Variants in TRERF1 observed in about 807,000 individuals in gnomAD.
TRERF1 encodes the protein transcriptional regulating factor 1, also known as transcriptional-regulating factor 1.
TRERF1 carries 27 observed loss-of-function variants against 122.9 expected under a neutral mutation model. The ratio of observed to expected loss-of-function variants is 0.22; its 90% confidence interval spans 0.16 to 0.30. The LOEUF (loss-of-function observed/expected upper bound fraction) is 0.30. TRERF1 is among the 10% of genes least tolerant of loss of function. TRERF1 has a pLI of 1.00. For missense variants in TRERF1, 1,248 were observed against 1,560.3 expected (o/e 0.80, Z 3.37); for synonymous variants, 636 against 641.7 (o/e 0.99, Z 0.13).
chr6:42,290,985 G>T (rs756713027), intron 4 of TRERF1, among the ~76,000 whole-genome samples: 2 of 151,844 alleles, frequency 1.3e-5, no homozygotes, highest in Non-Finnish European at 2.9e-5. Context: ...TTCGTGAAAG[G>T]GTGTGCATGT....
Position 42,263,183 on chromosome 6 carries a change from T to A in TRERF1, c.1884+137A>T. 1 of 1,440,216 alleles carries A rather than the reference T, an allele frequency of 6.9e-7. No homozygotes were observed. Among genetic ancestry groups the A allele is most frequent in the Non-Finnish European group, 9.1e-7 (1 of 1,097,390 alleles). The allele number at this position is 1,440,216 out of a possible 1,614,324, so 89.2% of individuals were successfully genotyped here. On this transcript the variant is annotated intron_variant, in intron 8 of 17. Transcript: ENST00000372922. The surrounding 1 kb of genome is among the most constrained non-coding windows in gnomAD (Gnocchi z 5.6). ...CCGTATCCAAGCTCAGGTCAGTGACTCTGGAAGGGCCGCCCCATCTCCAAG... is the reference window on the plus strand; with the variant it reads ...CCGTATCCAAGCTCAGGTCAGTGACACTGGAAGGGCCGCCCCATCTCCAAG...
intron 2 of TRERF1, among the ~76,000 whole-genome samples, chr6:42,435,065 A>T (rs1182713756): frequency 6.6e-6 from 1 of 151,928 alleles, no homozygotes; most frequent in Non-Finnish European, 1.5e-5. Context: ...CAGGAGGCAG[A>T]GGTTGCAGTG....
intron 3 of TRERF1, among the ~76,000 whole-genome samples, chr6:42,329,674 A>G (rs1764905702): frequency 6.6e-6 from 1 of 152,094 alleles, no homozygotes; most frequent in Non-Finnish European, 1.5e-5. Context: ...CAGGAAAAAG[A>G]CCGAGACATT....
intron 3 of TRERF1, among the ~76,000 whole-genome samples, chr6:42,343,480 C>T (rs1293788291): frequency 4.6e-5 from 7 of 152,188 alleles, no homozygotes; most frequent in Admixed American, 4.6e-4. Context: ...GAGAACTACA[C>T]AAAAGGTATA....
chr6:42,310,551 GTTC>G (rs1482068839), intron 3 of TRERF1, among the ~76,000 whole-genome samples: 1 of 152,208 alleles, frequency 6.6e-6, no homozygotes, highest in Non-Finnish European at 1.5e-5. Context: ...AGTTGGGGGA[GTTC>G]TTCTAGTATC....
chr6:42,263,661 G>C lies in TRERF1; in HGVS notation c.1636-93C>G, dbSNP rs1260658191. ...TTTCCCGAAAGGTTCCAGGACATCA[G>C]GTATGGGTGATAGAGAACCGCTGCA... is the stretch of plus-strand genomic sequence containing the variant. On this transcript the variant is annotated intron_variant, in intron 7 of 17. Transcript: ENST00000372922. The surrounding 1 kb of genome is among the most constrained non-coding windows in gnomAD (Gnocchi z 5.6). 2 of 1,375,864 alleles carry C rather than the reference G, an allele frequency of 1.5e-6. No individual in the cohort carries two copies. The highest frequency in any genetic ancestry group is 2.8e-5 in the Admixed American group (1 of 35,922). 85.2% of individuals were successfully genotyped at this position (1,375,864 alleles called of 1,614,324 possible).
Position 42,283,871 on chromosome 6 carries a change from C to T in TRERF1, c.-258-14023G>A, listed in dbSNP as rs2150069912. 1.3e-5 allele frequency among the ~76,000 whole-genome samples: 2 copies of T among 152,216 alleles called. 1 individual carries two copies. The highest frequency in any genetic ancestry group is 4.1e-4 in the South Asian group (2 of 4,828). ...CCTCAGGCAATCTGCCCGCCTCGAC[C>T]TCCCAAAGTGCTGGGATTACAGGTG... On this transcript the variant is annotated intron_variant, in intron 4 of 17. Transcript: ENST00000372922.
chr6:42,395,442 C>A (rs1562128577), intron 2 of TRERF1, among the ~76,000 whole-genome samples: 1 of 152,152 alleles, frequency 6.6e-6, no homozygotes, highest in African/African-American at 2.4e-5. Flanking sequence ...AGGATTGAGC[C>A]CGCAGGAAGG....
At chr6:42,227,051 G>GT (rs1223869711) in exon 18 of TRERF1, 9 of 152,232 alleles carry the variant, frequency 5.9e-5, no homozygotes, top group Non-Finnish European at 1.0e-4. Flanking sequence ...AGGATTACAG[G>GT]TTTATTACCT....
At chr6:42,427,080 G>A (rs1333263180) in intron 2 of TRERF1, among the ~76,000 whole-genome samples, 2 of 151,332 alleles carry the variant, frequency 1.3e-5, no homozygotes, top group African/African-American at 4.9e-5. Flanking sequence ...TAGCACTTTG[G>A]GAGGCTGAGA....
At chr6:42,375,617 G>C (rs750077070) in intron 2 of TRERF1, among the ~76,000 whole-genome samples, 3 of 152,162 alleles carry the variant, frequency 2.0e-5, no homozygotes, top group Non-Finnish European at 4.4e-5. Flanking sequence ...AAAGTCTCAG[G>C]GTCCAGGGAC....
chr6:42,416,183 T>A (rs1360475454), intron 2 of TRERF1, among the ~76,000 whole-genome samples: 1 of 152,150 alleles, frequency 6.6e-6, no homozygotes, highest in African/African-American at 2.4e-5. Context: ...AATTCTCTTG[T>A]TTGTCTTTTA....
At chr6:42,362,033 T>C (rs932686636) in intron 3 of TRERF1, among the ~76,000 whole-genome samples, 4 of 152,168 alleles carry the variant, frequency 2.6e-5, no homozygotes, top group African/African-American at 9.7e-5. Flanking sequence ...TCCCTCCCTC[T>C]TCCTTCCAGG....
In TRERF1 at chr6:42,243,978, A is replaced by T. The variant is rs1020714675; in HGVS notation, c.2746-617T>A. Among the ~76,000 whole-genome samples, 9 of 148,770 alleles carry T rather than the reference A, an allele frequency of 6.0e-5. No individual in the cohort carries two copies. The South Asian group carries it at 8.5e-4, about 14-fold the overall frequency. On this transcript the variant is annotated intron_variant, in intron 14 of 17. Coordinates refer to ENST00000372922, the Ensembl canonical transcript of TRERF1. ...ACTGCAACCTCCACCTCCGAGATTC[A>T]AGCAATTCTCCTGCCTTAGCCTCCC...
chr6:42,264,712 G>A (rs770376831), exon 7 of TRERF1: 6 of 1,614,038 alleles, frequency 3.7e-6, no homozygotes, highest in Non-Finnish European at 5.1e-6. Flanking sequence ...ACCTGTTTGA[G>A]GTTGGGGGAG....
At chr6:42,371,815 AG>A (rs1272256995) in intron 2 of TRERF1, among the ~76,000 whole-genome samples, 3 of 152,136 alleles carry the variant, frequency 2.0e-5, no homozygotes, top group African/African-American at 7.2e-5. Flanking sequence ...TCATCTGCTC[AG>A]GGGGAAATCT....
chr6:42,395,996 C>A (rs1234660126), intron 2 of TRERF1, among the ~76,000 whole-genome samples: 1 of 152,074 alleles, frequency 6.6e-6, no homozygotes, highest in Non-Finnish European at 1.5e-5. Context: ...GCCATCTGAT[C>A]AATGGTCATG....
At chr6:42,355,556 T>C (rs1770362906) in intron 3 of TRERF1, among the ~76,000 whole-genome samples, 1 of 152,246 alleles carries the variant, frequency 6.6e-6, no homozygotes, top group Non-Finnish European at 1.5e-5. Context: ...GAAAGAAGGA[T>C]CTGGAAGTTT....
intron 3 of TRERF1, among the ~76,000 whole-genome samples, chr6:42,339,828 C>T (rs1766907193): frequency 6.6e-6 from 1 of 152,222 alleles, no homozygotes; most frequent in African/African-American, 2.4e-5. Flanking sequence ...TGGACACTAC[C>T]TGTGGCTGAG....
Sources: allele counts gnomAD v4.1 joint callset (sites outside exome capture counted in the v4.1 genomes callset), GRCh38; gene constraint gnomAD v4.1.1; non-coding constraint Gnocchi (gnomAD v3.1); transcripts MANE v1.5; gene names NCBI Gene and HGNC (gene_info 2026-07-23, HGNC 2026-07-21).